The following IFFO1 variants were observed in gnomAD, a reference collection of about 807,000 sequenced individuals.
IFFO1 encodes the protein non-homologous end joining factor IFFO1.
IFFO1 carries 42 observed loss-of-function variants against 59.6 expected under a neutral mutation model. The ratio of observed to expected loss-of-function variants is 0.70; its 90% CI spans 0.55 to 0.91. IFFO1 has a LOEUF of 0.91. Ranked by LOEUF, IFFO1 falls within the 40% of genes least tolerant of loss-of-function variation. The probability of loss-of-function intolerance (pLI) is 0.00; values close to 1 mark genes in which losing one functional copy is unlikely to be tolerated. For missense variants in IFFO1, 711 were observed against 793.2 expected, an observed-to-expected ratio of 0.90 and a Z score of 1.24; for synonymous variants, 336 against 342.8, an observed-to-expected ratio of 0.98 and a Z score of 0.22.
At chr12:6,546,971 C>T (rs1166698545) in intron 8 of IFFO1, among the ~76,000 whole-genome samples, 1 of 152,164 alleles carries the variant, frequency 6.6e-6, no homozygotes, top group Non-Finnish European at 1.5e-5. Context: ...AGTGCCATGG[C>T]ACTGATAGTG....
Position 6,549,288 on chromosome 12 carries a change from G to C in IFFO1, c.1080+188C>G. On this transcript the variant is annotated intron_variant, in intron 5 of 9. Transcript: ENST00000619571. The surrounding 1 kb of genome is among the most constrained non-coding windows in gnomAD (Gnocchi z 5.0). ...CAGATCTGGAAAGCCGGGGGAGAAGGGAGAGAAAGAAATGCAGTCAAGAGA... is the reference window on the plus strand; with the variant it reads ...CAGATCTGGAAAGCCGGGGGAGAAGCGAGAGAAAGAAATGCAGTCAAGAGA... 4.5e-6 allele frequency: 3 copies of C among 659,762 alleles called. No individual in the cohort carries two copies. The Middle Eastern group carries it at 1.2e-3, about 261-fold the overall frequency. 40.9% of individuals were successfully genotyped at this position (659,762 alleles called of 1,614,324 possible).
rs760805590 is a variant in IFFO1, at chr12:6,555,249, A to G, written c.773+8T>C. ...CAGAGAGACCTGTCCCCCTTTCCCA[A>G]TCCCTACCTCCGCTTGTACTCGTCC... On this transcript the variant is annotated splice_region_variant and intron_variant, in intron 1 of 9. Transcript: ENST00000619571. The surrounding 1 kb of genome is among the most constrained non-coding windows in gnomAD (Gnocchi z 8.6). 2.5e-6 allele frequency: 4 copies of G among 1,613,400 alleles called. No homozygotes were observed. The Admixed American group carries it at 5.0e-5, about 20-fold the overall frequency.
At chr12:6,550,047 G>T in intron 3 of IFFO1, 151 bp from the exon 4 acceptor site, 1 of 838,796 alleles carries the variant, frequency 1.2e-6, no homozygotes, top group Non-Finnish European at 1.8e-6. Context: ...CTCTTCCTGG[G>T]TAGCGGTGGC....
At position 6,549,548 on chromosome 12, in the gene IFFO1, A is replaced by G. The variant is rs374786997; in HGVS notation, c.1072-64T>C. On this transcript the variant is annotated intron_variant, in intron 4 of 9. Transcript: ENST00000619571. This position sits in a 1 kb window ranked among gnomAD's most constrained non-coding sequence, Gnocchi z 5.0. The stretch of plus-strand genomic sequence containing the variant: ...GAGAGGAAGCAGACAGAGGAGAGAG[A>G]GGGGGAAGGGAGAGACGGCGTTAGA... 60 of 1,434,376 alleles carry G rather than the reference A, an allele frequency of 4.2e-5. No homozygotes were observed. The highest frequency in any genetic ancestry group is 3.5e-4 in the Middle Eastern group (2 of 5,702). The allele number at this position is 1,434,376 out of a possible 1,614,324, so 88.9% of individuals were successfully genotyped here. A position where few individuals can be genotyped will look rare whatever the true frequency, so the allele number is the denominator to read the frequency against.
chr12:6,548,205 G>A lies in IFFO1; in HGVS notation c.1384-45C>T. 1 of 1,517,638 alleles carries A rather than the reference G, an allele frequency of 6.6e-7. No homozygotes were observed. Among genetic ancestry groups the A allele is most frequent in the Non-Finnish European group, 9.2e-7 (1 of 1,092,392 alleles). 94.0% of individuals were successfully genotyped at this position (1,517,638 alleles called of 1,614,324 possible). The stretch of plus-strand genomic sequence containing the variant: ...GGGGGAGGCCAGCCAAGGAGGGATG[G>A]GATGGGACGCATTCCAAAGGGCCAA... On this transcript the variant is annotated intron_variant, in intron 7 of 9. Transcript: ENST00000619571. This position sits in a 1 kb window ranked among gnomAD's most constrained non-coding sequence, Gnocchi z 6.1.
rs546157119 is a variant in IFFO1 at position 6,550,052 on chromosome 12, G to A, written c.931-156C>T. On this transcript the variant is annotated intron_variant, in intron 3 of 9. Transcript: ENST00000619571. Reference sequence around the variant, plus strand: ...GACTGCACCCCTCTTCCTGGGTAGCGGTGGCCTCCCCACAGCACTGTGTGA... The same window carrying A: ...GACTGCACCCCTCTTCCTGGGTAGCAGTGGCCTCCCCACAGCACTGTGTGA... 55 of 784,494 alleles carry A rather than the reference G, an allele frequency of 7.0e-5. No homozygotes were observed. The African/African-American group carries it at 7.5e-4, about 11-fold the overall frequency. The allele number at this position is 784,494 out of a possible 1,614,324, so 48.6% of individuals were successfully genotyped here. A position where few individuals can be genotyped will look rare whatever the true frequency, so the allele number is the denominator to read the frequency against.
chr12:6,548,352 A>G lies in IFFO1; in HGVS notation c.1383+73T>C, dbSNP rs1284756684. The G allele has an allele frequency of 3.9e-6, 6 of 1,536,290 alleles. No homozygotes were observed. Among genetic ancestry groups the G allele is most frequent in the Non-Finnish European group, 5.3e-6 (6 of 1,129,302 alleles). ...AGCCACATGGGGGGACAGAGCAAGG[A>G]GAGGAGCGGGGGAGTGGGCTTCAGG... On this transcript the variant is annotated intron_variant, in intron 7 of 9. Coordinates refer to ENST00000619571, the MANE Select transcript of IFFO1 (RefSeq NM_001193457.2). The surrounding 1 kb of genome is among the most constrained non-coding windows in gnomAD (Gnocchi z 6.1).
Position 6,548,701 on chromosome 12 carries a change from A to G in IFFO1, c.1229T>C (p.Ile410Thr). 4 of 1,614,116 alleles carry G rather than the reference A, an allele frequency of 2.5e-6. No individual in the cohort carries two copies. Among genetic ancestry groups the G allele is most frequent in the Non-Finnish European group, 2.5e-6 (3 of 1,180,012 alleles). ...GDEEESTALS[I>T]NEEMQRMLNQ... Reference sequence around the variant, plus strand: ...GAGCATGCGCTGCATCTCCTCGTTGATGCTGAGGGCTGTGCTCTCCTCCTC... The same window carrying G: ...GAGCATGCGCTGCATCTCCTCGTTGGTGCTGAGGGCTGTGCTCTCCTCCTC... The change falls in exon 6 of 10, where the codon ATC (isoleucine) becomes ACC (threonine). Residue 410 changes from isoleucine to threonine, a missense_variant. By Grantham distance (89) the Ile-to-Thr change is moderately conservative (BLOSUM62 -1). Around this residue, in one of 3 missense-constraint regions of IFFO1, gnomAD observed 579 missense variants for 650.3 expected, o/e 0.89. Coordinates refer to ENST00000619571, the MANE Select transcript of IFFO1 (RefSeq NM_001193457.2). This position sits in a 1 kb window ranked among gnomAD's most constrained non-coding sequence, Gnocchi z 6.1.
In IFFO1 at chr12:6,549,586, G is replaced by A. The variant is rs1029124064; in HGVS notation, c.1072-102C>T. Reference sequence around the variant, plus strand: ...AGACGGCGTTAGAGACAGCTTCCACGATGCCCCTCCTGATGCTGCTCCTTA... The same window carrying A: ...AGACGGCGTTAGAGACAGCTTCCACAATGCCCCTCCTGATGCTGCTCCTTA... On this transcript the variant is annotated intron_variant, in intron 4 of 9. Transcript: ENST00000619571. The surrounding 1 kb of genome is among the most constrained non-coding windows in gnomAD (Gnocchi z 5.0). 1.8e-4 allele frequency: 233 copies of A among 1,330,964 alleles called. No individual in the cohort carries two copies. The highest frequency in any genetic ancestry group is 2.3e-4 in the Non-Finnish European group (214 of 929,044). The allele number at this position is 1,330,964 out of a possible 1,614,324, so 82.4% of individuals were successfully genotyped here. A position where few individuals can be genotyped will look rare whatever the true frequency, so the allele number is the denominator to read the frequency against.
intron 8 of IFFO1, among the ~76,000 whole-genome samples, chr12:6,547,077 A>T (rs1327490542): frequency 1.3e-5 from 2 of 152,184 alleles, no homozygotes; most frequent in African/African-American, 4.8e-5. Flanking sequence ...TGATCTTCTA[A>T]ACAACCCTAT....
Position 6,555,418 on chromosome 12 carries a change from C to A in IFFO1, c.612G>T (p.Arg204=). 1.2e-6 allele frequency: 2 copies of A among 1,614,070 alleles called. No homozygotes were observed. The highest frequency in any genetic ancestry group is 2.2e-5 in the East Asian group (1 of 44,876). ...GTIWSFSHAR[R]LGPGLEPTLV... ...GAGTGGGCTCCAGTCCCGGCCCGAG[C>A]CGGCGGGCGTGCGAGAACGACCAGA... Residue 204 remains arginine, a synonymous_variant, in exon 1 of 10, where the codon CGG becomes CGT. Coordinates refer to ENST00000619571, the MANE Select transcript of IFFO1 (RefSeq NM_001193457.2). The surrounding 1 kb of genome is among the most constrained non-coding windows in gnomAD (Gnocchi z 8.6).
At chr12:6,553,990 A>T (rs1301166591) in intron 1 of IFFO1, among the ~76,000 whole-genome samples, 1 of 151,670 alleles carries the variant, frequency 6.6e-6, no homozygotes, top group Non-Finnish European at 1.5e-5. Context: ...TTTACTTTGC[A>T]TTTACTTCTA....
chr12:6,549,591 C>A lies in IFFO1; in HGVS notation c.1072-107G>T. The A allele has an allele frequency of 1.5e-6, 2 of 1,324,616 alleles. No individual in the cohort carries two copies. The highest frequency in any genetic ancestry group is 2.2e-6 in the Non-Finnish European group (2 of 924,756). The allele number at this position is 1,324,616 out of a possible 1,614,324, so 82.1% of individuals were successfully genotyped here. On this transcript the variant is annotated intron_variant, in intron 4 of 9. Coordinates refer to ENST00000619571, the MANE Select transcript of IFFO1 (RefSeq NM_001193457.2). This position sits in a 1 kb window ranked among gnomAD's most constrained non-coding sequence, Gnocchi z 5.0. The stretch of plus-strand genomic sequence containing the variant: ...GCGTTAGAGACAGCTTCCACGATGC[C>A]CCTCCTGATGCTGCTCCTTACCCCC...
intron 1 of IFFO1, 41 bp from the exon 2 acceptor site, chr12:6,551,042 G>A: frequency 6.3e-7 from 1 of 1,598,030 alleles, no homozygotes; most frequent in Non-Finnish European, 8.6e-7. Context: ...TAGGTACAGA[G>A]TCCTTCCCTG....
In IFFO1 at chr12:6,548,802, C is replaced by T. The variant is rs780797489; in HGVS notation, c.1128G>A (p.Lys376=). The change falls in exon 6 of 10, where the codon AAG becomes AAA. Residue 376 remains lysine, a synonymous_variant. Coordinates refer to ENST00000619571, the MANE Select transcript of IFFO1 (RefSeq NM_001193457.2). This position sits in a 1 kb window ranked among gnomAD's most constrained non-coding sequence, Gnocchi z 6.1. ...CCTCGACGGCAGCCTTGCGCTCCCG[C>T]TTCCGCCCCCCCATGGATGGGACCT... ...PIKVPSMGGR[K]RERKAAVEED... The T allele has an allele frequency of 2.0e-5, 32 of 1,613,414 alleles. No individual in the cohort carries two copies. Among genetic ancestry groups the T allele is most frequent in the Non-Finnish European group, 2.6e-5 (31 of 1,179,824 alleles).
At position 6,549,113 on chromosome 12, in the gene IFFO1, G is replaced by A; in HGVS notation, c.1081-264C>T. ...AGACAAGGAAGGAAGGGCTCGCTGG[G>A]GCTGCAGTCAGATGTGCATGATGGC... On this transcript the variant is annotated intron_variant, in intron 5 of 9. Coordinates refer to ENST00000619571, the MANE Select transcript of IFFO1 (RefSeq NM_001193457.2). The surrounding 1 kb of genome is among the most constrained non-coding windows in gnomAD (Gnocchi z 5.0). The A allele has an allele frequency of 5.3e-6, 3 of 563,876 alleles. No homozygotes were observed. The highest frequency in any genetic ancestry group is 2.9e-5 in the East Asian group (1 of 33,946). The allele number at this position is 563,876 out of a possible 1,614,324, so 34.9% of individuals were successfully genotyped here. A position where few individuals can be genotyped will look rare whatever the true frequency, so the allele number is the denominator to read the frequency against.
intron 1 of IFFO1, among the ~76,000 whole-genome samples, chr12:6,551,217 G>A (rs1947218594): frequency 6.6e-6 from 1 of 152,196 alleles, no homozygotes; most frequent in Non-Finnish European, 1.5e-5. Flanking sequence ...GAGCTCGCCA[G>A]CTGCCTTCCC....
chr12:6,548,389 G>A lies in IFFO1; in HGVS notation c.1383+36C>T, dbSNP rs1042588811. The stretch of plus-strand genomic sequence containing the variant: ...GAGTGGGCTTCAGGCTGGAGAGGCA[G>A]AGCCAGAGGGCCCTGAGGCCGGGAG... On this transcript the variant is annotated intron_variant, in intron 7 of 9. Transcript: ENST00000619571. This position sits in a 1 kb window ranked among gnomAD's most constrained non-coding sequence, Gnocchi z 6.1. 3 of 1,583,472 alleles carry A rather than the reference G, an allele frequency of 1.9e-6. No homozygotes were observed. In the African/African-American group the frequency reaches 4.0e-5, roughly 21 times the overall value.
Position 6,555,616 on chromosome 12 carries a change from C to A in IFFO1, c.414G>T (p.Gly138=), listed in dbSNP as rs1399357439. Residue 138 remains glycine, a synonymous_variant, in exon 1 of 10, where the codon GGG becomes GGT. Coordinates refer to ENST00000619571, the MANE Select transcript of IFFO1 (RefSeq NM_001193457.2). The surrounding 1 kb of genome is among the most constrained non-coding windows in gnomAD (Gnocchi z 8.6). Reference sequence around the variant, plus strand: ...CGGCCGGCCGGGCGCCCAGCTGCAGCCCCAGGGGCCGGATGGGGCTGACGA... The same window carrying A: ...CGGCCGGCCGGGCGCCCAGCTGCAGACCCAGGGGCCGGATGGGGCTGACGA... ...TGFVSPIRPL[G]LQLGARPAAV... is the part of the protein sequence containing the mutation. The A allele has an allele frequency of 6.8e-6, 10 of 1,461,068 alleles. No homozygotes were observed. The highest frequency in any genetic ancestry group is 1.4e-5 in the South Asian group (1 of 72,272). The allele number at this position is 1,461,068 out of a possible 1,614,324, so 90.5% of individuals were successfully genotyped here.
Sources: allele counts gnomAD v4.1 joint callset (sites outside exome capture counted in the v4.1 genomes callset), GRCh38; gene constraint gnomAD v4.1.1; regional missense constraint gnomAD v4.1.1; non-coding constraint Gnocchi (gnomAD v3.1); transcripts MANE v1.5; gene names NCBI Gene and HGNC (gene_info 2026-07-23, HGNC 2026-07-21).